Variants in ZNF420 observed in about 807,000 individuals in gnomAD.
ZNF420 encodes the protein ATM and p53-associated KZNF protein.
A neutral mutation model predicts 44.7 loss-of-function variants in ZNF420; 31 were observed. The ratio of observed to expected loss-of-function variants is 0.69; its 90% CI spans 0.52 to 0.94. The LOEUF is 0.94. Ranked by LOEUF, ZNF420 falls within the 40% of genes least tolerant of loss-of-function variation. The probability of loss-of-function intolerance (pLI) is 0.00; values close to 1 mark genes in which losing one functional copy is unlikely to be tolerated. For synonymous variants in ZNF420, 245 were observed against 267.4 expected, an observed-to-expected ratio of 0.92 and a Z score of 0.82; for missense variants, 681 against 827.9, an observed-to-expected ratio of 0.82 and a Z score of 2.18.
Position 37,036,198 on chromosome 19 carries a change from A to G in ZNF420, c.-125+28116A>G, listed in dbSNP as rs375821561. Among the ~76,000 whole-genome samples, 11 of 152,334 alleles carry G rather than the reference A, an allele frequency of 7.2e-5. No homozygotes were observed. In the South Asian group the frequency reaches 2.3e-3, roughly 32 times the overall value. On this transcript the variant is annotated intron_variant, in intron 1 of 4. Transcript: ENST00000587029. ...AGTAGCATGACGATCGTTAACAATA[A>G]CTTACCATGTATTTCAAAATGGTTA...
intron 1 of ZNF420, among the ~76,000 whole-genome samples, chr19:37,017,850 C>A (rs1296608090): frequency 1.3e-5 from 2 of 151,810 alleles, no homozygotes; most frequent in African/African-American, 4.8e-5. Context: ...AACCGGCATC[C>A]AAATTGAAGA....
At chr19:37,052,794 A>AT (rs1330043094) in intron 1 of ZNF420, among the ~76,000 whole-genome samples, 4 of 151,774 alleles carry the variant, frequency 2.6e-5, no homozygotes, top group Admixed American at 2.0e-4. Flanking sequence ...TGCCCTTAAC[A>AT]TTTTTTCCTT....
chr19:37,123,019 G>A (rs1299084809), intron 4 of ZNF420, among the ~76,000 whole-genome samples: 1 of 152,144 alleles, frequency 6.6e-6, no homozygotes, highest in South Asian at 2.1e-4. Flanking sequence ...TCAGTAAGTA[G>A]CACTTCCATT....
rs763856339 is a variant in ZNF420 at position 37,127,373 on chromosome 19, C to G, written c.382C>G (p.Gln128Glu). 1 of 1,613,098 alleles carries G rather than the reference C, an allele frequency of 6.2e-7. No individual in the cohort carries two copies. Among genetic ancestry groups the G allele is most frequent in the South Asian group, 1.1e-5 (1 of 91,016 alleles). ...SIFNQHTYLS[Q>E]HSRCHSTEKP... ...TTTCAACCAGCATACTTACTTATCT[C>G]AACATTCAAGATGTCATTCTACTGA... is the stretch of plus-strand genomic sequence containing the variant. The change falls in exon 5 of 5, where the codon CAA (glutamine) becomes GAA (glutamate). Residue 128 changes from glutamine (Q) to glutamate (E), a missense_variant. Physicochemically the swap from Gln to Glu is conservative, Grantham distance 29. Transcript: ENST00000337995.
intron 1 of ZNF420, among the ~76,000 whole-genome samples, chr19:37,010,125 G>A (rs1489004080): frequency 1.3e-5 from 2 of 152,232 alleles, no homozygotes; most frequent in African/African-American, 2.4e-5. Flanking sequence ...ACAGTTGCCT[G>A]AGAAACCAGT....
At position 37,059,389 on chromosome 19, in the gene ZNF420, C is replaced by G. The variant is rs373865681; in HGVS notation, c.-124-20956C>G. 2.0e-5 allele frequency among the ~76,000 whole-genome samples: 3 copies of G among 152,358 alleles called. No homozygotes were observed. In the South Asian group the frequency reaches 6.2e-4, roughly 32 times the overall value. On this transcript the variant is annotated intron_variant, in intron 1 of 4. Coordinates refer to the ZNF420 transcript ENST00000587029. ...CCAATGCGCATGCGCGAGGCGCGAGCGGATTCTCACCGTTGTCTTAGAAAC... is the reference window on the plus strand; with the variant it reads ...CCAATGCGCATGCGCGAGGCGCGAGGGGATTCTCACCGTTGTCTTAGAAAC...
intron 1 of ZNF420, 92 bp from the exon 2 acceptor site, chr19:37,080,253 T>G (rs1403121297): frequency 6.6e-6 from 1 of 152,600 alleles, no homozygotes; most frequent in East Asian, 1.9e-4. Flanking sequence ...TAAATGAGAT[T>G]AAGAGGATGG....
chr19:37,008,280 TTC>T (rs534361132), intron 1 of ZNF420, among the ~76,000 whole-genome samples: 9 of 151,900 alleles, frequency 5.9e-5, no homozygotes, highest in Admixed American at 2.0e-4. Flanking sequence ...TCTCACTTTC[TTC>T]TCTCTCTCTC....
At chr19:37,096,092 A>G (rs892143334) in intron 4 of ZNF420, 7 of 152,230 alleles carry the variant, frequency 4.6e-5, no homozygotes, top group South Asian at 2.1e-4. Flanking sequence ...GAAGTCTGCC[A>G]TCTGTTTCAT....
intron 1 of ZNF420, among the ~76,000 whole-genome samples, chr19:37,028,034 A>G (rs552515956): frequency 1.3e-5 from 2 of 152,300 alleles, no homozygotes; most frequent in East Asian, 3.9e-4. Flanking sequence ...ACCATTTTGC[A>G]TTCCCAGCAG....
At chr19:37,076,915 C>T (rs1345497118), upstream of ZNF420, among the ~76,000 whole-genome samples, 1 of 152,186 alleles carries the variant, frequency 6.6e-6, no homozygotes, top group Non-Finnish European at 1.5e-5. Context: ...CTATATTTCA[C>T]ATAGCTATGC....
chr19:37,093,354 C>T lies in ZNF420; in HGVS notation c.136+2233C>T, dbSNP rs539060049. Among the ~76,000 whole-genome samples, 20 of 152,266 alleles carry T rather than the reference C, an allele frequency of 1.3e-4. No homozygotes were observed. The East Asian group carries it at 3.1e-3, about 24-fold the overall frequency. On this transcript the variant is annotated intron_variant, in intron 4 of 4. Transcript: ENST00000337995. Reference sequence around the variant, plus strand: ...TCTCCTTCCTCAGCCTCCCCAGCAGCTGGGATTACAGGCACCTGCCACCAC... The same window carrying T: ...TCTCCTTCCTCAGCCTCCCCAGCAGTTGGGATTACAGGCACCTGCCACCAC...
At chr19:37,108,728 T>C (rs1286785746) in intron 4 of ZNF420, among the ~76,000 whole-genome samples, 1 of 152,090 alleles carries the variant, frequency 6.6e-6, no homozygotes, top group African/African-American at 2.4e-5. Context: ...GTAGAAAGAC[T>C]GTAATTTTTT....
At chr19:37,083,949 G>C (rs1159467213) in intron 2 of ZNF420, among the ~76,000 whole-genome samples, 1 of 152,094 alleles carries the variant, frequency 6.6e-6, no homozygotes, top group Non-Finnish European at 1.5e-5. Flanking sequence ...TGAAATAAAA[G>C]ATTATAGAGT....
intron 1 of ZNF420, among the ~76,000 whole-genome samples, chr19:37,023,691 T>C (rs2074665623): frequency 6.6e-6 from 1 of 152,142 alleles, no homozygotes; most frequent in Non-Finnish European, 1.5e-5. Flanking sequence ...TGTGTTGTTA[T>C]AAAAATACAT....
chr19:37,069,104 A>G (rs1282276850), intron 1 of ZNF420, among the ~76,000 whole-genome samples: 2 of 152,182 alleles, frequency 1.3e-5, no homozygotes, highest in Non-Finnish European at 2.9e-5. Context: ...ATGGCTATGT[A>G]TTTTTAAAAC....
chr19:37,067,377 C>G (rs866788944), intron 1 of ZNF420, among the ~76,000 whole-genome samples: 1 of 152,018 alleles, frequency 6.6e-6, no homozygotes, highest in African/African-American at 2.4e-5. Context: ...GTAAAGTATA[C>G]GATGTCTACA....
chr19:37,117,755 A>C (rs1970778571), intron 4 of ZNF420, among the ~76,000 whole-genome samples: 1 of 152,208 alleles, frequency 6.6e-6, no homozygotes, highest in Admixed American at 6.5e-5. Flanking sequence ...TAACTAGAAT[A>C]ACCAATGCAG....
intron 4 of ZNF420, among the ~76,000 whole-genome samples, chr19:37,112,183 T>G (rs1970417201): frequency 6.6e-6 from 1 of 152,152 alleles, no homozygotes; most frequent in Non-Finnish European, 1.5e-5. Flanking sequence ...TTGCTGCTGT[T>G]TCTTGATTTC....
Sources: allele counts gnomAD v4.1 joint callset (sites outside exome capture counted in the v4.1 genomes callset), GRCh38; gene constraint gnomAD v4.1.1; transcripts MANE v1.5; gene names NCBI Gene and HGNC (gene_info 2026-07-23, HGNC 2026-07-21).